DCP2: variants seen among roughly 807,000 people sequenced by gnomAD.
The protein encoded by DCP2 is decapping mRNA 2, also known as m7GpppN-mRNA hydrolase.
Under a neutral mutation model 56.1 loss-of-function variants are expected in DCP2, and 30 were observed. The observed-to-expected ratio is 0.53, with a 90% confidence interval of 0.40 to 0.73. The LOEUF (loss-of-function observed/expected upper bound fraction) is 0.73, where lower values mean the gene tolerates loss of function less well. Ranked by LOEUF, DCP2 falls within the 30% of genes least tolerant of loss-of-function variation. DCP2 has a pLI of 0.00. For missense variants in DCP2, 533 were observed against 502.7 expected, an observed-to-expected ratio of 1.06 and a Z score of -0.58; for synonymous variants, 197 against 163.3, an observed-to-expected ratio of 1.21 and a Z score of -1.57.
intron 4 of DCP2, among the ~76,000 whole-genome samples, chr5:112,999,528 A>G (rs1156954589): frequency 2.0e-5 from 3 of 151,334 alleles, no homozygotes; most frequent in Non-Finnish European, 4.4e-5. Flanking sequence ...GAGTTTCTCC[A>G]TGTTGGTCAG....
Position 113,001,252 on chromosome 5 carries a change from A to T in DCP2, c.585+16A>T, listed in dbSNP as rs1309230699. 6.2e-7 allele frequency: 1 copy of T among 1,611,630 alleles called. No individual in the cohort carries two copies. The highest frequency in any genetic ancestry group is 2.2e-5 in the East Asian group (1 of 44,840). On this transcript the variant is annotated intron_variant, in intron 5 of 10. Transcript: ENST00000389063. ...AGAAATTCGGGTATGTAACAAGAGT[A>T]TTTTCAGGTTACTGGACAGTATCCC...
intron 2 of DCP2, among the ~76,000 whole-genome samples, chr5:112,987,625 T>TCC (rs1748359547): frequency 7.4e-6 from 1 of 134,500 alleles, no homozygotes; most frequent in African/African-American, 2.7e-5. Flanking sequence ...GGTGCCTTTT[T>TCC]TTTTTTTTTT....
At chr5:113,001,536 T>G in intron 6 of DCP2, 31 bp from the exon 7 acceptor site, 1 of 1,611,254 alleles carries the variant, frequency 6.2e-7, no homozygotes, top group Non-Finnish European at 8.5e-7. Context: ...TGTAGCCATA[T>G]TTTGAAAGTG....
At position 112,986,360 on chromosome 5, in the gene DCP2, C is replaced by G. The variant is rs180748017; in HGVS notation, c.205+374C>G. Among the ~76,000 whole-genome samples, 392 of 149,844 alleles carry G rather than the reference C, an allele frequency of 2.6e-3. 2 individuals carry two copies. Among genetic ancestry groups the G allele is most frequent in the Non-Finnish European group, 4.3e-3 (294 of 67,740 alleles). ...TTTTTTCTTTTTTTTTTTTAAGAGA[C>G]AGGATCTTATTCTGTCGCTCAGGCT... On this transcript the variant is annotated intron_variant, in intron 2 of 10. Coordinates refer to ENST00000389063, the MANE Select transcript of DCP2 (RefSeq NM_152624.6).
rs1053161485 is a variant in DCP2 at position 113,016,279 on chromosome 5, G to A, written c.*2795G>A. On this transcript the variant is annotated 3_prime_UTR_variant, in exon 11 of 11. Coordinates refer to ENST00000389063, the MANE Select transcript of DCP2 (RefSeq NM_152624.6). Reference sequence around the variant, plus strand: ...ATAGTGATACCCTCCTGAGACATGAGCATTTGGAGAGGCCTGAGAACCTAA... The same window carrying A: ...ATAGTGATACCCTCCTGAGACATGAACATTTGGAGAGGCCTGAGAACCTAA... 3.3e-5 allele frequency: 5 copies of A among 152,616 alleles called. No homozygotes were observed. Among genetic ancestry groups the A allele is most frequent in the African/African-American group, 1.2e-4 (5 of 41,436 alleles). The allele number at this position is 152,616 out of a possible 1,614,324, so 9.5% of individuals were successfully genotyped here. A position where few individuals can be genotyped will look rare whatever the true frequency, so the allele number is the denominator to read the frequency against.
intron 2 of DCP2, among the ~76,000 whole-genome samples, chr5:112,987,620 CTTTTTTTTTTT>C (rs562254738): frequency 2.7e-4 from 19 of 69,732 alleles, no homozygotes; most frequent in South Asian, 1.4e-3. Flanking sequence ...ACCTAGGTGC[CTTTTTTTTTTT>C]TTTTTTTTTT....
rs1464272158 is a variant in DCP2 at position 112,993,172 on chromosome 5, CAGT to C, written c.432+404_432+406del. 3.3e-5 allele frequency among the ~76,000 whole-genome samples: 5 copies of C among 152,136 alleles called. No homozygotes were observed. The East Asian group carries it at 9.6e-4, about 29-fold the overall frequency. On this transcript the variant is annotated intron_variant, in intron 4 of 10. Transcript: ENST00000389063. ...AAGTTGACATTTGTTGCTGAAAACCCAGTAAGGCTTTCCACTGCCTATAGGATA... is the reference window on the plus strand; with the variant it reads ...AAGTTGACATTTGTTGCTGAAAACCCAAGGCTTTCCACTGCCTATAGGATA...
intron 10 of DCP2, 49 bp downstream of exon 10, chr5:113,010,856 T>G: frequency 6.4e-7 from 1 of 1,564,548 alleles, no homozygotes; most frequent in Non-Finnish European, 8.6e-7. Flanking sequence ...GGGATTTGGT[T>G]TGGTTTACCT....
chr5:112,999,397 G>A (rs567992365), intron 4 of DCP2, among the ~76,000 whole-genome samples: 4 of 151,462 alleles, frequency 2.6e-5, no homozygotes, highest in Admixed American at 6.6e-5. Context: ...GCATGATCTC[G>A]GCTCACTGCA....
At chr5:112,994,610 G>A (rs1187819206) in intron 4 of DCP2, among the ~76,000 whole-genome samples, 1 of 152,098 alleles carries the variant, frequency 6.6e-6, no homozygotes, top group African/African-American at 2.4e-5. Context: ...ATTGTTTGCC[G>A]TATTCTTATT....
At chr5:113,005,989 G>T (rs9326868) in intron 8 of DCP2, among the ~76,000 whole-genome samples, 33 of 151,814 alleles carry the variant, frequency 2.2e-4, no homozygotes, top group African/African-American at 7.7e-4. Context: ...AGCCAGGCAT[G>T]GTGGTGCACA....
chr5:112,992,414 AT>A (rs1219614784), intron 3 of DCP2, among the ~76,000 whole-genome samples, 166 bp downstream of exon 3: 16 of 152,048 alleles, frequency 1.1e-4, no homozygotes, highest in African/African-American at 3.4e-4. Context: ...ATGTCTGCAG[AT>A]TTTTTACTTG....
At chr5:112,977,742 C>T (rs1360214746) in intron 1 of DCP2, among the ~76,000 whole-genome samples, 2 of 152,210 alleles carry the variant, frequency 1.3e-5, no homozygotes, top group African/African-American at 4.8e-5. Flanking sequence ...GTGTAGGATA[C>T]TTAAAAATGC....
intron 1 of DCP2, among the ~76,000 whole-genome samples, chr5:112,977,832 A>G (rs1747790338): frequency 1.3e-5 from 2 of 152,110 alleles, no homozygotes; most frequent in South Asian, 4.1e-4. Flanking sequence ...ATTACAAGTG[A>G]TAACACCTTT....
chr5:112,998,419 C>T (rs751449568), intron 4 of DCP2, among the ~76,000 whole-genome samples: 99 of 152,328 alleles, frequency 6.5e-4, no homozygotes, highest in Middle Eastern at 3.4e-3. Context: ...CTCTCAAAGA[C>T]GTCTACTAAA....
intron 8 of DCP2, among the ~76,000 whole-genome samples, chr5:113,006,774 G>A (rs2150188480): frequency 6.6e-6 from 1 of 152,256 alleles, no homozygotes. Context: ...TTATCTTAAA[G>A]CAATTTAATA....
At chr5:113,005,322 CACA>C (rs2150187342) in intron 8 of DCP2, among the ~76,000 whole-genome samples, 2 of 152,228 alleles carry the variant, frequency 1.3e-5, no homozygotes, top group South Asian at 4.1e-4. Context: ...TCAACAACAA[CACA>C]ACAATCTAAT....
rs1748259295 is a variant in DCP2 at position 112,985,878 on chromosome 5, A to G, written c.97A>G (p.Ile33Val). 1.2e-6 allele frequency: 2 copies of G among 1,610,628 alleles called. No individual in the cohort carries two copies. ...TCCCAGCGAGGAAAGAGACAATGCA[A>G]TCCGAGTGTGTTTTCAGATTGAACT... ...HIPSEERDNA[I>V]RVCFQIELAH... The change falls in exon 2 of 11, where the codon ATC becomes GTC. Residue 33 changes from isoleucine (I) to valine (V), a missense_variant. Physicochemically the swap from Ile to Val is conservative, Grantham distance 29. Coordinates refer to ENST00000389063, the MANE Select transcript of DCP2 (RefSeq NM_152624.6).
At chr5:113,009,802 A>G (rs1749599528) in intron 9 of DCP2, among the ~76,000 whole-genome samples, 1 of 152,212 alleles carries the variant, frequency 6.6e-6, no homozygotes, top group Non-Finnish European at 1.5e-5. Flanking sequence ...ATATAATTCC[A>G]TTTAAAGTTT....
Sources: allele counts gnomAD v4.1 joint callset (sites outside exome capture counted in the v4.1 genomes callset), GRCh38; gene constraint gnomAD v4.1.1; transcripts MANE v1.5; gene names NCBI Gene and HGNC (gene_info 2026-07-23, HGNC 2026-07-21).